The following KIF4A variants were observed in gnomAD, a reference collection of about 807,000 sequenced individuals.
KIF4A encodes the protein kinesin family member 4A.
Under a neutral mutation model 105.9 loss-of-function variants are expected in KIF4A, and 7 were observed. The observed-to-expected ratio is 0.07, with a 90% confidence interval of 0.04 to 0.12. The LOEUF (loss-of-function observed/expected upper bound fraction) is 0.12. Ranked by LOEUF, KIF4A falls within the 10% of genes least tolerant of loss-of-function variation. KIF4A has a pLI of 1.00. For synonymous variants in KIF4A, 281 were observed against 331.3 expected (o/e 0.85, Z 1.65); for missense variants, 558 against 929.2 (o/e 0.60, Z 5.19).
chrX:70,387,895 A>G (rs137946434), intron 20 of KIF4A, among the ~76,000 whole-genome samples: 198 of 111,796 alleles, frequency 1.8e-3, no homozygotes, highest in Middle Eastern at 0.014. Context: ...CAATTTGATG[A>G]GTTTGGACAC....
chrX:70,408,027 C>G (rs1361777576), intron 28 of KIF4A, among the ~76,000 whole-genome samples: 4 of 108,845 alleles, frequency 3.7e-5, no homozygotes, highest in African/African-American at 1.0e-4. Flanking sequence ...GAGATCATGC[C>G]GTTGCACTCC....
Position 70,330,288 on chromosome X carries a change from A to G in KIF4A, c.1027A>G (p.Asn343Asp), listed in dbSNP as rs909783162. 2 of 1,209,620 alleles carry G rather than the reference A, an allele frequency of 1.7e-6. No homozygotes were observed. Among genetic ancestry groups the G allele is most frequent in the African/African-American group, 3.5e-5 (2 of 57,297 alleles). ...AAAAATCAAGAACAAACCTATTGTT[A>G]ATATTGATCCCCAGACAGCTGAACT... Reference protein sequence around the residue: ...ARKIKNKPIVNIDPQTAELNH... With the variant: ...ARKIKNKPIVDIDPQTAELNH... Residue 343 changes from asparagine to aspartate, a missense_variant, in exon 9 of 31, where the codon AAT becomes GAT. This residue lies in a region of KIF4A where 469 missense variants were observed against 680.4 expected (regional missense o/e 0.69). Coordinates refer to ENST00000374403, the MANE Select transcript of KIF4A (RefSeq NM_012310.5).
intron 15 of KIF4A, among the ~76,000 whole-genome samples, chrX:70,354,848 G>A (rs2086044745): frequency 8.9e-6 from 1 of 112,128 alleles, no homozygotes. Flanking sequence ...ATTGGCGGGG[G>A]CTGGGAAGTG....
intron 10 of KIF4A, among the ~76,000 whole-genome samples, chrX:70,334,024 G>C (rs2085941087): frequency 9.0e-6 from 1 of 111,155 alleles, no homozygotes; most frequent in Non-Finnish European, 1.9e-5. Context: ...TTGTTTTATT[G>C]CTCAAATTGT....
At position 70,387,207 on chromosome X, in the gene KIF4A, C is replaced by T. The variant is rs2086221086; in HGVS notation, c.2142C>T (p.Leu714=). The T allele has an allele frequency of 3.4e-6, 4 of 1,184,533 alleles. No homozygotes were observed. Among genetic ancestry groups the T allele is most frequent in the Non-Finnish European group, 4.5e-6 (4 of 881,328 alleles). ...AGGCAGCAGCTGCCAACAAGCGTCT[C>T]AAGGATGCTCTCCAGAAACAACGGG... is the stretch of plus-strand genomic sequence containing the variant. ...TEEAAAANKR[L]KDALQKQREV... is the part of the protein sequence containing the mutation. Residue 714 remains leucine (L), a synonymous_variant, in exon 20 of 31, where the codon CTC becomes CTT. Coordinates refer to ENST00000374403, the MANE Select transcript of KIF4A (RefSeq NM_012310.5).
intron 24 of KIF4A, 96 bp downstream of exon 24, chrX:70,404,130 A>G: frequency 1.0e-6 from 1 of 1,003,226 alleles, no homozygotes; most frequent in Non-Finnish European, 1.4e-6. Context: ...ATTTCTTTCA[A>G]AAGTCCACGT....
At chrX:70,387,993 CCTT>C (rs1211231266) in intron 20 of KIF4A, among the ~76,000 whole-genome samples, 7 of 110,961 alleles carry the variant, frequency 6.3e-5, no homozygotes, top group African/African-American at 2.3e-4. Context: ...CTCTGTAATC[CCTT>C]CTTCTTATCC....
At chrX:70,296,378 C>A (rs1372429045) in intron 3 of KIF4A, among the ~76,000 whole-genome samples, 2 of 111,608 alleles carry the variant, frequency 1.8e-5, no homozygotes, top group African/African-American at 3.3e-5. Flanking sequence ...AGTCACGGAA[C>A]CTGGCTCATT....
At chrX:70,376,029 G>A (rs2086173705) in intron 17 of KIF4A, 71 bp from the exon 18 acceptor site, 1 of 693,649 alleles carries the variant, frequency 1.4e-6, no homozygotes, top group East Asian at 3.2e-5. Context: ...TTAATGGTAA[G>A]TCTATCCATC....
chrX:70,375,394 A>C lies in KIF4A; in HGVS notation c.1923+46A>C, dbSNP rs755531723. 3 of 1,143,112 alleles carry C rather than the reference A, an allele frequency of 2.6e-6. No homozygotes were observed. In the African/African-American group the frequency reaches 5.4e-5, roughly 20 times the overall value. The allele number at this position is 1,143,112 out of a possible 1,213,427, so 94.2% of individuals were successfully genotyped here. A position where few individuals can be genotyped will look rare whatever the true frequency, so the allele number is the denominator to read the frequency against. ...CATTTACCCCCATTGGAATTTACAA[A>C]CATAGGTATTCCATTTAGAAATATA... On this transcript the variant is annotated intron_variant, in intron 17 of 30. Coordinates refer to ENST00000374403, the MANE Select transcript of KIF4A (RefSeq NM_012310.5).
intron 15 of KIF4A, among the ~76,000 whole-genome samples, chrX:70,372,612 C>A (rs751707073): frequency 3.5e-5 from 3 of 85,353 alleles, no homozygotes; most frequent in East Asian, 7.0e-4. Flanking sequence ...AGCTTCGGCT[C>A]GGCATCAGAG....
intron 15 of KIF4A, among the ~76,000 whole-genome samples, chrX:70,354,810 C>T (rs779558266): frequency 5.4e-5 from 6 of 112,056 alleles, no homozygotes; most frequent in African/African-American, 1.9e-4. Flanking sequence ...ACCAGGAAAC[C>T]AGGCTGAATG....
At chrX:70,377,756 T>A (rs985016521) in intron 18 of KIF4A, among the ~76,000 whole-genome samples, 4 of 111,821 alleles carry the variant, frequency 3.6e-5, no homozygotes, top group African/African-American at 1.3e-4. Flanking sequence ...GCCAACATGA[T>A]GAAACACCGT....
intron 7 of KIF4A, among the ~76,000 whole-genome samples, chrX:70,311,131 AAAAAAG>A (rs1225304035): frequency 9.1e-6 from 1 of 109,933 alleles, no homozygotes; most frequent in African/African-American, 3.3e-5. Flanking sequence ...TCCTAAAAAA[AAAAAAG>A]AAGAAGAAGA....
intron 13 of KIF4A, among the ~76,000 whole-genome samples, chrX:70,345,451 G>A (rs1425507650): frequency 6.8e-5 from 7 of 102,756 alleles, no homozygotes; most frequent in Admixed American, 4.2e-4. Context: ...ATGACAGAGC[G>A]AGACTTCATC....
intron 11 of KIF4A, among the ~76,000 whole-genome samples, chrX:70,342,282 C>G (rs892527671): frequency 8.9e-6 from 1 of 112,386 alleles, no homozygotes; most frequent in Non-Finnish European, 1.9e-5. Context: ...ACCATTCCTT[C>G]TCCAAGATTT....
intron 3 of KIF4A, among the ~76,000 whole-genome samples, chrX:70,292,505 G>A (rs2085764998): frequency 8.9e-6 from 1 of 112,182 alleles, no homozygotes; most frequent in African/African-American, 3.2e-5. Flanking sequence ...CACAGAAGTG[G>A]TGCTGTTTTC....
chrX:70,309,603 CAAAA>C (rs1050349343), intron 7 of KIF4A, among the ~76,000 whole-genome samples: 1 of 110,834 alleles, frequency 9.0e-6, no homozygotes, highest in Non-Finnish European at 1.9e-5. Context: ...GTATAATAGA[CAAAA>C]AAAATTGTAA....
At chrX:70,322,587 A>T (rs1480799098) in intron 7 of KIF4A, among the ~76,000 whole-genome samples, 1 of 109,721 alleles carries the variant, frequency 9.1e-6, no homozygotes, top group Non-Finnish European at 1.9e-5. Context: ...CTGGGATTAC[A>T]GGCGTGAGCC....
Sources: gnomAD v4.1 joint callset for allele counts (sites outside exome capture counted in the v4.1 genomes callset) on GRCh38, gnomAD v4.1.1 for gene constraint, gnomAD v4.1.1 regional missense constraint, MANE v1.5 for transcripts, NCBI Gene and HGNC (gene_info 2026-07-23, HGNC 2026-07-21) for gene names.